Variants in PRKRA observed in about 807,000 individuals in gnomAD.
PRKRA encodes the protein protein activator of interferon induced protein kinase EIF2AK2, also known as interferon-inducible double-stranded RNA-dependent protein kinase activator A.
PRKRA carries 22 observed loss-of-function variants against 32.4 expected under a neutral mutation model. That is an observed-to-expected ratio of 0.68 (90% confidence interval 0.49 to 0.97). The LOEUF (loss-of-function observed/expected upper bound fraction) is 0.97, where lower values mean the gene tolerates loss of function less well. PRKRA is among the 50% of genes least tolerant of loss of function. The pLI is 0.00. For missense variants in PRKRA, 319 were observed against 375.6 expected (o/e 0.85, Z 1.25); for synonymous variants, 139 against 129.8 (o/e 1.07, Z -0.48).
chr2:178,450,087 C>G (rs1377290807), intron 2 of PRKRA, 155 bp downstream of exon 2: 1 of 954,946 alleles, frequency 1.0e-6, no homozygotes, highest in Non-Finnish European at 1.7e-6. Flanking sequence ...TCAGATGCAG[C>G]TGAAAAGCCC....
intron 7 of PRKRA, among the ~76,000 whole-genome samples, chr2:178,435,717 G>A (rs1377673018): frequency 6.6e-6 from 1 of 152,204 alleles, no homozygotes; most frequent in Non-Finnish European, 1.5e-5. Context: ...GGTATCTTCT[G>A]GGACTCTTCC....
chr2:178,450,190 A>C, intron 2 of PRKRA, 52 bp downstream of exon 2: 2 of 1,608,050 alleles, frequency 1.2e-6, no homozygotes, highest in Non-Finnish European at 1.7e-6. Flanking sequence ...AAGCAACACC[A>C]AGTATTGACT....
At chr2:178,447,411 T>C in intron 3 of PRKRA, 94 bp downstream of exon 3, 3 of 1,350,700 alleles carry the variant, frequency 2.2e-6, no homozygotes, top group Non-Finnish European at 9.8e-7. Flanking sequence ...CTAACAACTG[T>C]TCACTTTGTT....
At chr2:178,434,049 C>T (rs745918495) in intron 7 of PRKRA, 3 of 152,054 alleles carry the variant, frequency 2.0e-5, no homozygotes, top group Admixed American at 6.6e-5. Flanking sequence ...GTATTCTAAA[C>T]CCTCAATGAA....
Position 178,431,908 on chromosome 2 carries a change from T to C in PRKRA, c.*189A>G, listed in dbSNP as rs568396106. ...AAAGTTTATAAATACAGTATACTGA[T>C]ACAAAGTTGAAGCCATTAAAAAGAG... is the stretch of plus-strand genomic sequence containing the variant. On this transcript the variant is annotated 3_prime_UTR_variant, in exon 8 of 8. Coordinates refer to ENST00000325748, the MANE Select transcript of PRKRA (RefSeq NM_003690.5). 7.0e-6 allele frequency: 5 copies of C among 712,470 alleles called. No individual in the cohort carries two copies. In the South Asian group the frequency reaches 7.4e-5, roughly 11 times the overall value. 44.1% of individuals were successfully genotyped at this position (712,470 alleles called of 1,614,324 possible).
At chr2:178,450,083 G>A (rs1296704435) in intron 2 of PRKRA, 159 bp downstream of exon 2, 1 of 919,670 alleles carries the variant, frequency 1.1e-6, no homozygotes, top group Non-Finnish European at 1.8e-6. Flanking sequence ...AGAATCAGAT[G>A]CAGCTGAAAA....
intron 3 of PRKRA, chr2:178,447,278 A>C (rs989901274): frequency 4.6e-6 from 3 of 649,372 alleles, no homozygotes; most frequent in Middle Eastern, 8.6e-4. Flanking sequence ...AAAAAAAAAA[A>C]AACAGTAAAG....
chr2:178,436,107 A>C (rs1279944214), intron 7 of PRKRA, 38 bp downstream of exon 7: 6 of 1,541,660 alleles, frequency 3.9e-6, no homozygotes, highest in Non-Finnish European at 5.4e-6. Flanking sequence ...TTTTTAAATA[A>C]ACATGTCTTG....
At chr2:178,433,598 G>C (rs975831808) in intron 7 of PRKRA, 1 of 152,112 alleles carries the variant, frequency 6.6e-6, no homozygotes, top group African/African-American at 2.4e-5. Context: ...ATTCTCTATT[G>C]ACTAATGATA....
At chr2:178,444,299 G>T (rs947135117) in intron 4 of PRKRA, 123 bp downstream of exon 4, 2 of 833,152 alleles carry the variant, frequency 2.4e-6, no homozygotes, top group Non-Finnish European at 1.9e-6. Context: ...TCTAATGATC[G>T]TAAGTTGGAA....
At chr2:178,442,242 A>G (rs1697144956) in intron 5 of PRKRA, among the ~76,000 whole-genome samples, 1 of 152,154 alleles carries the variant, frequency 6.6e-6, no homozygotes, top group Non-Finnish European at 1.5e-5. Context: ...TTTCTTTAAT[A>G]GTTATGCTTT....
chr2:178,450,706 T>C (rs2154125622), intron 1 of PRKRA: 3 of 1,397,238 alleles, frequency 2.1e-6, no homozygotes, highest in East Asian at 2.6e-5. Context: ...AGGGAAAACC[T>C]GACGATCCCT....
chr2:178,449,003 G>A (rs1281965834), intron 2 of PRKRA, among the ~76,000 whole-genome samples: 1 of 152,200 alleles, frequency 6.6e-6, no homozygotes, highest in African/African-American at 2.4e-5. Flanking sequence ...AGCACAGACT[G>A]ATACACTATT....
At chr2:178,445,123 A>T (rs1218380722) in intron 3 of PRKRA, among the ~76,000 whole-genome samples, 1 of 152,182 alleles carries the variant, frequency 6.6e-6, no homozygotes, top group Non-Finnish European at 1.5e-5. Context: ...ATAATCCTCT[A>T]AGATTTACAT....
chr2:178,443,151 G>A (rs1697180022), intron 5 of PRKRA, 116 bp downstream of exon 5: 3 of 651,752 alleles, frequency 4.6e-6, no homozygotes, highest in Admixed American at 4.5e-5. Flanking sequence ...GACAATAAAA[G>A]AGGAGTGTAT....
chr2:178,439,276 TACAC>T (rs1421401930), intron 6 of PRKRA: 5 of 152,194 alleles, frequency 3.3e-5, no homozygotes, highest in Non-Finnish European at 7.4e-5. Flanking sequence ...GTCAAAGTGA[TACAC>T]ACATACAGCA....
Position 178,447,574 on chromosome 2 carries a change from C to G in PRKRA, c.248G>C (p.Ser83Thr), listed in dbSNP as rs1339956093. 5 of 1,614,146 alleles carry G rather than the reference C, an allele frequency of 3.1e-6. No individual in the cohort carries two copies. Among genetic ancestry groups the G allele is most frequent in the South Asian group, 1.1e-5 (1 of 91,086 alleles). Residue 83 changes from serine (S) to threonine (T), a missense_variant, in exon 3 of 8, where the codon AGT becomes ACT. Coordinates refer to ENST00000325748, the MANE Select transcript of PRKRA (RefSeq NM_003690.5). ...AGCTCTATGTTTCGCCAGCTTCTTA[C>G]TTGTACCTTCACCTGAATTAAGATT... ...GDITCTGEGT[S>T]KKLAKHRAAE...
At chr2:178,437,154 T>C (rs908349437) in intron 6 of PRKRA, among the ~76,000 whole-genome samples, 3 of 152,166 alleles carry the variant, frequency 2.0e-5, no homozygotes, top group Non-Finnish European at 1.5e-5. Context: ...AATTAAGTAA[T>C]TTATTAGATT....
In PRKRA at chr2:178,443,304, A is replaced by G. The variant is rs1697188004; in HGVS notation, c.477T>C (p.Tyr159=). ...QEGGPAHKRE[Y]TTICRLESFM... ...ATGACTCTAGCCTGCAAATTGTAGTATATTCTCTCTTATGAGCAGGTCCTC... is the reference window on the plus strand; with the variant it reads ...ATGACTCTAGCCTGCAAATTGTAGTGTATTCTCTCTTATGAGCAGGTCCTC... The change falls in exon 5 of 8, where the codon TAT becomes TAC. Residue 159 remains tyrosine (Y), a synonymous_variant. Coordinates refer to ENST00000325748, the MANE Select transcript of PRKRA (RefSeq NM_003690.5). 1.2e-6 allele frequency: 2 copies of G among 1,612,274 alleles called. No individual in the cohort carries two copies. Among genetic ancestry groups the G allele is most frequent in the Admixed American group, 1.7e-5 (1 of 60,008 alleles).
Sources: allele counts gnomAD v4.1 joint callset (sites outside exome capture counted in the v4.1 genomes callset), GRCh38; gene constraint gnomAD v4.1.1; transcripts MANE v1.5; gene names NCBI Gene and HGNC (gene_info 2026-07-23, HGNC 2026-07-21).